The following EIF4G3 variants were observed in gnomAD, a reference collection of about 807,000 sequenced individuals.
EIF4G3 encodes the protein eIF-4-gamma 3.
Under a neutral mutation model 186.4 loss-of-function variants are expected in EIF4G3, and 34 were observed. That is an observed-to-expected ratio of 0.18 (90% CI 0.14 to 0.24). The LOEUF is 0.24. Among genes scored for constraint, EIF4G3 ranks in the 10% least tolerant of loss-of-function variants. EIF4G3 has a pLI of 1.00. For synonymous variants in EIF4G3, 673 were observed against 679.5 expected, an observed-to-expected ratio of 0.99 and a Z score of 0.15; for missense variants, 1,536 against 1,948.5, an observed-to-expected ratio of 0.79 and a Z score of 3.99.
At chr1:21,111,261 T>C (rs1423387801) in intron 2 of EIF4G3, 3 of 470,216 alleles carry the variant, frequency 6.4e-6, no homozygotes, top group African/African-American at 2.0e-5. Flanking sequence ...TACGAAGGCA[T>C]AGACTTTGAA....
chr1:21,024,169 G>A (rs1175344262), intron 4 of EIF4G3, among the ~76,000 whole-genome samples: 2 of 150,438 alleles, frequency 1.3e-5, no homozygotes, highest in African/African-American at 4.9e-5. Context: ...AGGGAGGTGG[G>A]GGGGGGTCAG....
intron 13 of EIF4G3, among the ~76,000 whole-genome samples, chr1:20,949,628 T>G (rs2154563330): frequency 6.6e-6 from 1 of 152,318 alleles, no homozygotes; most frequent in East Asian, 1.9e-4. Flanking sequence ...TTTTCTTTTT[T>G]AAAATAGCAA....
chr1:21,156,604 A>T (rs1303126819), intron 2 of EIF4G3, among the ~76,000 whole-genome samples: 1 of 152,168 alleles, frequency 6.6e-6, no homozygotes, highest in Non-Finnish European at 1.5e-5. Flanking sequence ...TACTCTATCA[A>T]TGACAGCATC....
chr1:21,024,590 C>A (rs1406986834), intron 4 of EIF4G3, among the ~76,000 whole-genome samples: 2 of 149,716 alleles, frequency 1.3e-5, no homozygotes, highest in South Asian at 4.3e-4. Flanking sequence ...TGTGACCTTA[C>A]CCCCAACCCT....
At chr1:20,890,930 A>T (rs1376735344) in intron 18 of EIF4G3, among the ~76,000 whole-genome samples, 1 of 152,242 alleles carries the variant, frequency 6.6e-6, no homozygotes, top group Non-Finnish European at 1.5e-5. Context: ...CTGAGACATC[A>T]AAATTTCTCT....
At position 20,941,679 on chromosome 1, in the gene EIF4G3, G is replaced by A; in HGVS notation, c.1475C>T (p.Ala492Val). 4 of 1,613,382 alleles carry A rather than the reference G, an allele frequency of 2.5e-6. No homozygotes were observed. Among genetic ancestry groups the A allele is most frequent in the Non-Finnish European group, 3.4e-6 (4 of 1,179,736 alleles). The change falls in exon 14 of 37, where the codon GCC (alanine) becomes GTC (valine). Residue 492 changes from alanine (A) to valine (V), a missense_variant. Physicochemically the swap from Ala to Val is moderately conservative, Grantham distance 64. Coordinates refer to ENST00000602326, the MANE Select transcript of EIF4G3 (RefSeq NM_001391906.1). ...AGCACTCGGAGAACTAACAGTAGTG[G>A]CAGCAGCAGGAACAATGACTGGAGT... Reference protein sequence around the residue: ...PHTPVIVPAAATTVSSPSAAI... With the variant: ...PHTPVIVPAAVTTVSSPSAAI...
At chr1:20,984,511 G>C (rs1194176119) in intron 7 of EIF4G3, among the ~76,000 whole-genome samples, 1 of 150,114 alleles carries the variant, frequency 6.7e-6, no homozygotes, top group Non-Finnish European at 1.5e-5. Flanking sequence ...TGAAGCTAAA[G>C]AGAAATGTAT....
At chr1:20,819,186 G>A (rs1189146497) in intron 33 of EIF4G3, among the ~76,000 whole-genome samples, 1 of 152,092 alleles carries the variant, frequency 6.6e-6, no homozygotes, top group Non-Finnish European at 1.5e-5. Context: ...AAGGCCATAA[G>A]CTGTTTAAGC....
chr1:21,157,564 T>C (rs926309471), intron 2 of EIF4G3, among the ~76,000 whole-genome samples: 2 of 151,976 alleles, frequency 1.3e-5, no homozygotes, highest in African/African-American at 2.4e-5. Context: ...TTCCTACTCC[T>C]AGGCTCAAGT....
At chr1:21,091,778 A>C (rs2096211906) in intron 2 of EIF4G3, among the ~76,000 whole-genome samples, 1 of 152,042 alleles carries the variant, frequency 6.6e-6, no homozygotes, top group African/African-American at 2.4e-5. Flanking sequence ...TTTACTCATG[A>C]TTTGGCTCTC....
chr1:21,141,159 G>A (rs1447639866), intron 2 of EIF4G3, among the ~76,000 whole-genome samples: 2 of 152,058 alleles, frequency 1.3e-5, no homozygotes, highest in East Asian at 3.8e-4. Context: ...AAACCCCAGT[G>A]CACAGCAGCA....
chr1:21,141,904 C>G (rs2097346905), intron 2 of EIF4G3, among the ~76,000 whole-genome samples: 1 of 151,538 alleles, frequency 6.6e-6, no homozygotes, highest in Non-Finnish European at 1.5e-5. Flanking sequence ...ACGCTCCATC[C>G]AACCTGTGCA....
intron 7 of EIF4G3, among the ~76,000 whole-genome samples, chr1:20,987,689 C>T (rs1027255025): frequency 9.9e-5 from 15 of 152,106 alleles, no homozygotes; most frequent in Admixed American, 3.3e-4. Flanking sequence ...GTCTGTTGTC[C>T]CCCCGCCTCT....
chr1:21,053,906 C>T (rs2094434885), intron 3 of EIF4G3, among the ~76,000 whole-genome samples: 1 of 151,798 alleles, frequency 6.6e-6, no homozygotes, highest in African/African-American at 2.4e-5. Context: ...GCGCCTCTGC[C>T]CGGCCGCCCC....
intron 2 of EIF4G3, among the ~76,000 whole-genome samples, chr1:21,132,471 T>A (rs537790636): frequency 6.6e-6 from 1 of 152,154 alleles, no homozygotes; most frequent in Non-Finnish European, 1.5e-5. Context: ...TGAAACAGAG[T>A]CTTGCTCTGT....
chr1:20,836,787 A>G (rs2066881138), intron 30 of EIF4G3, among the ~76,000 whole-genome samples: 1 of 152,250 alleles, frequency 6.6e-6, no homozygotes, highest in Admixed American at 6.5e-5. Context: ...GACTAACAGC[A>G]AACTGCACTC....
rs556471026 is a variant in EIF4G3, at chr1:20,819,602, C to T, written c.4369-2064G>A. Among the ~76,000 whole-genome samples, 5 of 152,228 alleles carry T rather than the reference C, an allele frequency of 3.3e-5. No individual in the cohort carries two copies. The East Asian group carries it at 9.7e-4, about 29-fold the overall frequency. On this transcript the variant is annotated intron_variant, in intron 33 of 36. Coordinates refer to ENST00000602326, the MANE Select transcript of EIF4G3 (RefSeq NM_001391906.1). ...TGCAGGAACAAAAAACCAAATACTG[C>T]GTGTTCTCACTTATAGGTGGGAGCT... is the stretch of plus-strand genomic sequence containing the variant.
At chr1:21,105,531 T>C (rs940897808) in intron 2 of EIF4G3, among the ~76,000 whole-genome samples, 6 of 128,450 alleles carry the variant, frequency 4.7e-5, no homozygotes, top group Middle Eastern at 3.8e-3. Flanking sequence ...ACCTAAAATA[T>C]GTTTTTTTAA....
At chr1:20,850,144 C>T (rs550149496) in intron 28 of EIF4G3, among the ~76,000 whole-genome samples, 19 of 152,180 alleles carry the variant, frequency 1.2e-4, no homozygotes, top group African/African-American at 4.6e-4. Context: ...TTGTGTCTTT[C>T]GTGGAATTAC....
Sources: gnomAD v4.1 joint callset for allele counts (sites outside exome capture counted in the v4.1 genomes callset) on GRCh38, gnomAD v4.1.1 for gene constraint, MANE v1.5 for transcripts, NCBI Gene and HGNC (gene_info 2026-07-23, HGNC 2026-07-21) for gene names.